KCNIP3: variants seen among roughly 807,000 people sequenced by gnomAD.
KCNIP3 encodes potassium voltage-gated channel interacting protein 3.
A neutral mutation model predicts 35.0 loss-of-function variants in KCNIP3; 28 were observed. The ratio of observed to expected loss-of-function variants is 0.80; its 90% CI spans 0.59 to 1.10. The LOEUF (loss-of-function observed/expected upper bound fraction) is 1.10. KCNIP3 is among the 50% of genes least tolerant of loss of function. KCNIP3 has a pLI of 0.00. For missense variants in KCNIP3, 295 were observed against 338.4 expected, an observed-to-expected ratio of 0.87 and a Z score of 1.01; for synonymous variants, 134 against 133.8, an observed-to-expected ratio of 1.00 and a Z score of -0.01.
chr2:95,324,013 A>G (rs1455125363), intron 2 of KCNIP3, among the ~76,000 whole-genome samples: 1 of 152,166 alleles, frequency 6.6e-6, no homozygotes, highest in Non-Finnish European at 1.5e-5. Context: ...GCGGGGAGGC[A>G]GAGGGAGCCC....
intron 2 of KCNIP3, among the ~76,000 whole-genome samples, chr2:95,319,182 G>A (rs6577013): frequency 0.76 from 116,144 of 152,230 alleles, 44,715 homozygotes; most frequent in African/African-American, 0.85. Context: ...CTTGGAGAGC[G>A]GTAGAGCAGC....
intron 2 of KCNIP3, among the ~76,000 whole-genome samples, chr2:95,315,385 A>C (rs559778606): frequency 1.3e-5 from 2 of 152,176 alleles, no homozygotes; most frequent in Non-Finnish European, 2.9e-5. Flanking sequence ...TGAGGTGCAC[A>C]GAGGGGACCA....
intron 2 of KCNIP3, among the ~76,000 whole-genome samples, chr2:95,348,737 TGG>T (rs1679440370): frequency 6.6e-6 from 1 of 152,182 alleles, no homozygotes; most frequent in African/African-American, 2.4e-5. Flanking sequence ...CCGTTTTCTG[TGG>T]GTATGTGCCC....
chr2:95,380,312 C>G (rs1680305390), intron 5 of KCNIP3, among the ~76,000 whole-genome samples: 1 of 151,972 alleles, frequency 6.6e-6, no homozygotes, highest in South Asian at 2.1e-4. Context: ...TTTTTTTCTC[C>G]TGGGATAATT....
chr2:95,335,242 G>C (rs1382255859), intron 2 of KCNIP3, among the ~76,000 whole-genome samples: 1 of 152,232 alleles, frequency 6.6e-6, no homozygotes, highest in Non-Finnish European at 1.5e-5. Context: ...TACCTGTTCA[G>C]TACTTCTTGT....
At chr2:95,299,843 G>A (rs1222503258) in intron 1 of KCNIP3, among the ~76,000 whole-genome samples, 6 of 152,232 alleles carry the variant, frequency 3.9e-5, no homozygotes, top group Admixed American at 1.3e-4. Context: ...TAGAGCCCAG[G>A]AGAAGGGCAG....
chr2:95,325,471 G>A (rs980700937), intron 2 of KCNIP3, among the ~76,000 whole-genome samples: 7 of 152,156 alleles, frequency 4.6e-5, no homozygotes, highest in Non-Finnish European at 1.0e-4. Flanking sequence ...GAGGGTCCTG[G>A]CCAGGCAGGA....
At chr2:95,341,952 G>A (rs1679204717) in intron 2 of KCNIP3, among the ~76,000 whole-genome samples, 1 of 152,212 alleles carries the variant, frequency 6.6e-6, no homozygotes, top group Admixed American at 6.5e-5. Flanking sequence ...AAGGACGGGG[G>A]CGGGGTGGAG....
intron 5 of KCNIP3, 150 bp from the exon 6 acceptor site, chr2:95,381,446 C>T: frequency 1.6e-6 from 1 of 631,322 alleles, no homozygotes; most frequent in Non-Finnish European, 2.9e-6. Context: ...CACACACTCA[C>T]CCTGTGCTGA....
chr2:95,330,986 A>G (rs1212348763), intron 2 of KCNIP3, among the ~76,000 whole-genome samples: 1 of 152,252 alleles, frequency 6.6e-6, no homozygotes, highest in Non-Finnish European at 1.5e-5. Context: ...TGCAGGGCAC[A>G]TGGCGTTCAA....
rs752962927 is a variant in KCNIP3 at position 95,381,579 on chromosome 2, C to G, written c.448-17C>G. On this transcript the variant is annotated splice_polypyrimidine_tract_variant and intron_variant, in intron 5 of 8. Coordinates refer to ENST00000295225, the MANE Select transcript of KCNIP3 (RefSeq NM_013434.5). The stretch of plus-strand genomic sequence containing the variant: ...CATTGATTGGATGTCACGCCCCACA[C>G]TCTCCTTTCCCCATAGGACTTTGTG... The G allele has an allele frequency of 2.0e-5, 32 of 1,590,034 alleles. No homozygotes were observed. Among genetic ancestry groups the G allele is most frequent in the Non-Finnish European group, 2.8e-5 (32 of 1,158,398 alleles).
chr2:95,315,033 C>T (rs992484724), intron 2 of KCNIP3, among the ~76,000 whole-genome samples: 7 of 152,242 alleles, frequency 4.6e-5, no homozygotes, highest in Admixed American at 1.3e-4. Context: ...AGGACGGGGA[C>T]GGGAGCCTGT....
At chr2:95,346,741 C>T (rs1420374121) in intron 2 of KCNIP3, 1 of 152,782 alleles carries the variant, frequency 6.5e-6, no homozygotes, top group Non-Finnish European at 1.4e-5. Flanking sequence ...GCCGCCGCCG[C>T]CGCGCCTCGA....
intron 2 of KCNIP3, among the ~76,000 whole-genome samples, chr2:95,348,796 C>G (rs987571695): frequency 2.6e-5 from 4 of 152,112 alleles, no homozygotes; most frequent in African/African-American, 9.7e-5. Context: ...TGGGGGAGCT[C>G]AGAGCCTCAG....
chr2:95,350,916 G>C (rs1679502375), intron 2 of KCNIP3, among the ~76,000 whole-genome samples: 1 of 152,208 alleles, frequency 6.6e-6, no homozygotes, highest in Non-Finnish European at 1.5e-5. Flanking sequence ...CTTCATGGGG[G>C]AGTCACTGCA....
chr2:95,350,593 C>T (rs903915001), intron 2 of KCNIP3, among the ~76,000 whole-genome samples: 2 of 152,114 alleles, frequency 1.3e-5, no homozygotes, highest in African/African-American at 2.4e-5. Flanking sequence ...AGCAGGGGGC[C>T]CGGAGCAGCA....
rs1330109140 is a variant in KCNIP3, at chr2:95,381,645, A to C, written c.497A>C (p.Lys166Thr). The C allele has an allele frequency of 3.1e-6, 5 of 1,614,012 alleles. No individual in the cohort carries two copies. Among genetic ancestry groups the C allele is most frequent in the African/African-American group, 1.3e-5 (1 of 74,922 alleles). Reference protein sequence around the residue: ...SILLRGTVHEKLKWAFNLYDI... With the variant: ...SILLRGTVHETLKWAFNLYDI... ...CTGCTGCGGGGCACAGTCCACGAGA[A>C]GCTCAAGTGGGCCTTTAATCTCTAC... is the stretch of plus-strand genomic sequence containing the variant. The change falls in exon 6 of 9, where the codon AAG becomes ACG. Residue 166 changes from lysine (K) to threonine (T), a missense_variant. Lys to Thr is a moderately conservative substitution (Grantham distance 78). Transcript: ENST00000295225.
At chr2:95,335,158 A>T (rs367664473) in intron 2 of KCNIP3, among the ~76,000 whole-genome samples, 1 of 152,218 alleles carries the variant, frequency 6.6e-6, no homozygotes, top group South Asian at 2.1e-4. Flanking sequence ...CTGGCCTGAG[A>T]TGCTAAGAGA....
chr2:95,338,101 A>G (rs1423367620), intron 2 of KCNIP3, among the ~76,000 whole-genome samples: 1 of 152,204 alleles, frequency 6.6e-6, no homozygotes, highest in East Asian at 1.9e-4. Context: ...GCCCCGAGGC[A>G]TCGGCACAGC....
Sources: allele counts gnomAD v4.1 joint callset (sites outside exome capture counted in the v4.1 genomes callset), GRCh38; gene constraint gnomAD v4.1.1; transcripts MANE v1.5; gene names NCBI Gene and HGNC (gene_info 2026-07-23, HGNC 2026-07-21).